KPNB1: variants seen among roughly 807,000 people sequenced by gnomAD.
The protein encoded by KPNB1 is karyopherin subunit beta 1.
In KPNB1, 7 loss-of-function variants were observed where a neutral mutation model predicts 113.0. The observed-to-expected ratio is 0.06, with a 90% CI of 0.04 to 0.12. The LOEUF (loss-of-function observed/expected upper bound fraction) is 0.12, where lower values mean the gene tolerates loss of function less well. Among genes scored for constraint, KPNB1 ranks in the 10% least tolerant of loss-of-function variants. KPNB1 has a pLI of 1.00. For synonymous variants in KPNB1, 363 were observed against 378.6 expected (o/e 0.96, Z 0.48); for missense variants, 400 against 1,054.8 (o/e 0.38, Z 8.60).
intron 8 of KPNB1, among the ~76,000 whole-genome samples, chr17:47,664,656 G>T (rs147156198): frequency 1.3e-5 from 2 of 152,234 alleles, no homozygotes; most frequent in African/African-American, 4.8e-5. Context: ...AAGAGAATGG[G>T]GAGTTCTGTA....
intron 10 of KPNB1, among the ~76,000 whole-genome samples, chr17:47,669,281 TTAG>T (rs1465299591): frequency 6.6e-6 from 1 of 152,110 alleles, no homozygotes. Context: ...TTTTGTATTC[TTAG>T]TAGAGAGACC....
chr17:47,675,361 G>GTTTTTGTTTTT lies in KPNB1; in HGVS notation c.1912+584_1912+585insGTTTTTTTTTT, dbSNP rs2030568124. ...TGCAACGGAGATTGGCAGAGGTGTT[G>GTTTTTGTTTTT]TTTTTTTTTTGTTTTTTTTTTTTGT... On this transcript the variant is annotated intron_variant, in intron 15 of 21. Transcript: ENST00000290158. Among the ~76,000 whole-genome samples, 87 of 88,670 alleles carry GTTTTTGTTTTT rather than the reference G, an allele frequency of 9.8e-4. 6 individuals carry two copies. The highest frequency in any genetic ancestry group is 6.4e-3 in the East Asian group (22 of 3,438). The allele number at this position is 88,670 out of a possible 152,430, so 58.2% of individuals were successfully genotyped here.
At chr17:47,657,099 G>C in intron 4 of KPNB1, 39 bp downstream of exon 4, 1 of 1,543,620 alleles carries the variant, frequency 6.5e-7, no homozygotes, top group Admixed American at 1.8e-5. Flanking sequence ...ATATACCTCT[G>C]ATTGCCTCTA....
In KPNB1 at chr17:47,681,686, GTTT is replaced by G. The variant is rs59222945; in HGVS notation, c.*-695_*-693del. Among the ~76,000 whole-genome samples the G allele has an allele frequency of 5.4e-3, 521 of 96,006 alleles. 1 individual carries two copies. The highest frequency in any genetic ancestry group is 6.5e-3 in the African/African-American group (151 of 23,296). 63.0% of individuals were successfully genotyped at this position (96,006 alleles called of 152,430 possible). ...GCCTCCTAAATTGCTGGAATTATAG[GTTT>G]TTTTTTTTTTTTTTTTTTTTTTGTA... is the stretch of plus-strand genomic sequence containing the variant. On this transcript the variant is annotated intron_variant, in intron 21 of 21. Coordinates refer to ENST00000290158, the MANE Select transcript of KPNB1 (RefSeq NM_002265.6).
At chr17:47,662,673 G>A (rs543625941) in intron 6 of KPNB1, among the ~76,000 whole-genome samples, 4 of 152,200 alleles carry the variant, frequency 2.6e-5, no homozygotes, top group African/African-American at 9.6e-5. Flanking sequence ...TCTGAGCTCA[G>A]GAGTTCGAGA....
intron 19 of KPNB1, 142 bp downstream of exon 19, chr17:47,678,555 T>C: frequency 1.6e-6 from 1 of 634,806 alleles, no homozygotes; most frequent in South Asian, 1.8e-5. Context: ...AGTGCCCTAA[T>C]GAAGAGAGTG....
intron 19 of KPNB1, 168 bp downstream of exon 19, chr17:47,678,581 T>C (rs2030679746): frequency 1.7e-6 from 1 of 601,052 alleles, no homozygotes; most frequent in Non-Finnish European, 3.0e-6. Context: ...GGGAAAACTG[T>C]AGACTACTGT....
In KPNB1 at chr17:47,658,658, G is replaced by C; in HGVS notation, c.634G>C (p.Glu212Gln). ...LEFTKANFDKESERHFIMQVV... is the reference protein window; with the variant it reads ...LEFTKANFDKQSERHFIMQVV... The stretch of plus-strand genomic sequence containing the variant: ...GTTCACCAAAGCAAACTTTGATAAA[G>C]AGGTAAGTTTTTTGACAATAAGGTA... The change falls in exon 5 of 22, where the codon GAG becomes CAG. Residue 212 changes from glutamate to glutamine, a missense_variant and splice_region_variant. Physicochemically the swap from Glu to Gln is conservative, Grantham distance 29 (BLOSUM62 2). Transcript: ENST00000290158. 6.2e-7 allele frequency: 1 copy of C among 1,612,450 alleles called. No individual in the cohort carries two copies. Among genetic ancestry groups the C allele is most frequent in the Non-Finnish European group, 8.5e-7 (1 of 1,179,440 alleles).
At chr17:47,673,468 T>C in intron 13 of KPNB1, 22 bp from the exon 14 acceptor site, 3 of 1,589,934 alleles carry the variant, frequency 1.9e-6, no homozygotes, top group Non-Finnish European at 2.6e-6. Flanking sequence ...ATGTAGAGTA[T>C]GTTTTCTTAT....
Position 47,650,729 on chromosome 17 carries a change from AAG to A in KPNB1, c.99+288_99+289del, listed in dbSNP as rs1491353742. ...GGGCGGCGGTGCAGCGGGAGGGAGA[AAG>A]AGGGAGGGAAGGGAAGTTAGGTTGC... On this transcript the variant is annotated intron_variant, in intron 2 of 21. Transcript: ENST00000290158. Among the ~76,000 whole-genome samples, 3 of 152,064 alleles carry A rather than the reference AAG, an allele frequency of 2.0e-5. 1 individual carries two copies. In the East Asian group the frequency reaches 5.8e-4, roughly 29 times the overall value.
chr17:47,650,357 C>T (rs751099452), intron 1 of KPNB1, 29 bp from the exon 2 acceptor site: 4 of 1,610,934 alleles, frequency 2.5e-6, no homozygotes, highest in African/African-American at 1.3e-5. Context: ...CCTCTGACCC[C>T]GCTCCGTCTC....
chr17:47,681,699 T>TG (rs1415220093), intron 21 of KPNB1, among the ~76,000 whole-genome samples: 6 of 146,126 alleles, frequency 4.1e-5, no homozygotes, highest in African/African-American at 1.5e-4. Context: ...TTTTTTTTTT[T>TG]TTTTTTTTTT....
At chr17:47,675,380 TTTTTGTTTG>T (rs1217523087) in intron 15 of KPNB1, among the ~76,000 whole-genome samples, 2,899 of 112,164 alleles carry the variant, frequency 0.026, 387 homozygotes, top group African/African-American at 0.054. Context: ...TTGTTTTTTT[TTTTTGTTTG>T]TTTTTTTTTT....
intron 14 of KPNB1, chr17:47,673,834 A>G: frequency 2.3e-6 from 1 of 432,028 alleles, no homozygotes. Flanking sequence ...CTCCTAATTC[A>G]ACATACACTC....
rs76100192 is a variant in KPNB1 at position 47,683,592 on chromosome 17, TA to T, written c.*1191del. The T allele has an allele frequency of 0.47, 71,453 of 152,262 alleles. 17,045 individuals are homozygous for T. Among genetic ancestry groups the T allele is most frequent in the Non-Finnish European group, 0.51 (34,710 of 67,906 alleles). The allele number at this position is 152,262 out of a possible 1,614,324, so 9.4% of individuals were successfully genotyped here. ...TAACTATTTTGGATTGCAAACAGGA[TA>T]AATTAAATGTTCAAACAATCTGATA... On this transcript the variant is annotated 3_prime_UTR_variant, in exon 22 of 22. Transcript: ENST00000290158.
intron 20 of KPNB1, 25 bp from the exon 21 acceptor site, chr17:47,680,483 T>C (rs1285468595): frequency 6.2e-7 from 1 of 1,613,186 alleles, no homozygotes; most frequent in East Asian, 2.2e-5. Flanking sequence ...AGGAGCTCAT[T>C]CTCAGCTGTG....
chr17:47,658,748 A>T, intron 5 of KPNB1, 88 bp downstream of exon 5: 1 of 1,224,158 alleles, frequency 8.2e-7, no homozygotes, highest in Non-Finnish European at 1.1e-6. Context: ...TCTTAAGTTT[A>T]TGGTTTAGAA....
intron 15 of KPNB1, 71 bp from the exon 16 acceptor site, chr17:47,676,338 A>T: frequency 9.4e-7 from 1 of 1,060,684 alleles, no homozygotes; most frequent in East Asian, 2.4e-5. Context: ...GAGAGGTAGG[A>T]TGGGTTATTT....
intron 2 of KPNB1, chr17:47,651,415 G>A (rs1164038260): frequency 1.1e-6 from 1 of 909,830 alleles, no homozygotes; most frequent in Non-Finnish European, 1.3e-6. Flanking sequence ...AACCATATGT[G>A]TTCCTTTGTG....
Sources: gnomAD v4.1 joint callset for allele counts (sites outside exome capture counted in the v4.1 genomes callset) on GRCh38, gnomAD v4.1.1 for gene constraint, MANE v1.5 for transcripts, NCBI Gene and HGNC (gene_info 2026-07-23, HGNC 2026-07-21) for gene names.